Variants in TNS3 observed in about 807,000 individuals in gnomAD.
TNS3 encodes tensin-3.
TNS3 carries 45 observed loss-of-function variants against 140.9 expected under a neutral mutation model. The observed-to-expected ratio is 0.32, with a 90% confidence interval of 0.25 to 0.41. The LOEUF (loss-of-function observed/expected upper bound fraction) is 0.41. Among genes scored for constraint, TNS3 ranks in the 10% least tolerant of loss-of-function variants. The pLI is 1.00. For synonymous variants in TNS3, 815 were observed against 788.4 expected, an observed-to-expected ratio of 1.03 and a Z score of -0.56; for missense variants, 1,716 against 1,906.7, an observed-to-expected ratio of 0.90 and a Z score of 1.86.
intron 16 of TNS3, among the ~76,000 whole-genome samples, chr7:47,392,733 T>G (rs536723258): frequency 4.6e-5 from 7 of 152,158 alleles, no homozygotes; most frequent in Non-Finnish European, 1.0e-4. Context: ...CCTGGAGTAA[T>G]AGCTCACCAA....
intron 1 of TNS3, among the ~76,000 whole-genome samples, chr7:47,531,198 C>T (rs928129734): frequency 2.6e-5 from 4 of 151,906 alleles, no homozygotes; most frequent in Admixed American, 6.6e-5. Context: ...GTACACCAAA[C>T]CCCCACAACA....
intron 2 of TNS3, among the ~76,000 whole-genome samples, chr7:47,515,321 T>A (rs1028240544): frequency 6.6e-6 from 1 of 152,178 alleles, no homozygotes; most frequent in Non-Finnish European, 1.5e-5. Flanking sequence ...CTTCTCCATC[T>A]ATCATCACCA....
intron 2 of TNS3, among the ~76,000 whole-genome samples, chr7:47,527,912 A>C (rs1258903102): frequency 1.3e-5 from 2 of 152,046 alleles, no homozygotes; most frequent in Admixed American, 1.3e-4. Context: ...GTCTCCAAAA[A>C]AAAAAAAAAA....
chr7:47,389,122 A>AGCG lies in TNS3; in HGVS notation c.1024+7677_1024+7678insCGC, dbSNP rs1455206783. On this transcript the variant is annotated intron_variant, in intron 16 of 30. Coordinates refer to ENST00000311160, the MANE Select transcript of TNS3 (RefSeq NM_022748.12). Reference sequence around the variant, plus strand: ...AGGAAGCGGAAGCAGAAGAAGAAGAAGAAGAAGAAGAAGAAGAAGAAGAAG... The same window carrying AGCG: ...AGGAAGCGGAAGCAGAAGAAGAAGAAGCGGAAGAAGAAGAAGAAGAAGAAGAAG... Among the ~76,000 whole-genome samples, 20 of 8,446 alleles carry AGCG rather than the reference A, an allele frequency of 2.4e-3. 6 individuals are homozygous for AGCG. The highest frequency in any genetic ancestry group is 6.3e-3 in the Admixed American group (3 of 476). The allele number at this position is 8,446 out of a possible 152,430, so 5.5% of individuals were successfully genotyped here.
Position 47,435,404 on chromosome 7 carries a change from T to G in TNS3, c.202A>C (p.Ile68Leu). Residue 68 changes from isoleucine (I) to leucine (L), a missense_variant and splice_region_variant, in exon 8 of 31, where the codon ATC (isoleucine) becomes CTC (leucine). Coordinates refer to ENST00000311160, the MANE Select transcript of TNS3 (RefSeq NM_022748.12). ...RYDLTKLNPK[I>L]MDVGWPELHA... ...AGCTCTGGCCAGCCCACATCCATGA[T>G]CTGCAACAAGAAAGGGGAGCTTCCT... is the stretch of plus-strand genomic sequence containing the variant. The G allele has an allele frequency of 6.2e-7, 1 of 1,613,500 alleles. No individual in the cohort carries two copies. Among genetic ancestry groups the G allele is most frequent in the Non-Finnish European group, 8.5e-7 (1 of 1,179,966 alleles).
intron 27 of TNS3, among the ~76,000 whole-genome samples, chr7:47,285,000 C>T (rs894961950): frequency 6.6e-6 from 1 of 152,144 alleles, no homozygotes; most frequent in African/African-American, 2.4e-5. Context: ...TTGGCAGGTG[C>T]ACAGACAGAT....
chr7:47,574,509 G>C lies in TNS3; in HGVS notation c.-265+7542C>G, dbSNP rs1281778781. Reference sequence around the variant, plus strand: ...GCTTGTGCTCACCAAAAAAAAAATGGAAAGCAGGGACTTATACACCCATGT... The same window carrying C: ...GCTTGTGCTCACCAAAAAAAAAATGCAAAGCAGGGACTTATACACCCATGT... On this transcript the variant is annotated intron_variant, in intron 1 of 30. Coordinates refer to ENST00000311160, the MANE Select transcript of TNS3 (RefSeq NM_022748.12). Among the ~76,000 whole-genome samples the C allele has an allele frequency of 2.6e-5, 4 of 152,020 alleles. 1 individual carries two copies. The highest frequency in any genetic ancestry group is 4.8e-5 in the African/African-American group (2 of 41,372).
chr7:47,446,688 CT>C (rs144042398), intron 4 of TNS3, among the ~76,000 whole-genome samples: 107 of 96,668 alleles, frequency 1.1e-3, no homozygotes, highest in African/African-American at 2.9e-3. Flanking sequence ...TCCAGGCTGC[CT>C]TTTTTTTTTT....
At chr7:47,396,488 A>T in intron 16 of TNS3, 1 of 341,824 alleles carries the variant, frequency 2.9e-6, no homozygotes, top group Non-Finnish European at 5.4e-6. Flanking sequence ...GGGACGGAAG[A>T]AGGGGGAACG....
At chr7:47,391,592 C>T (rs190358168) in intron 16 of TNS3, among the ~76,000 whole-genome samples, 1 of 152,290 alleles carries the variant, frequency 6.6e-6, no homozygotes, top group East Asian at 1.9e-4. Context: ...CAGAGATGTC[C>T]AGCGAGGAAA....
intron 2 of TNS3, among the ~76,000 whole-genome samples, chr7:47,512,067 G>A (rs549987122): frequency 6.6e-6 from 1 of 152,232 alleles, no homozygotes; most frequent in Non-Finnish European, 1.5e-5. Flanking sequence ...GCACAGAGCG[G>A]AAGCTGCCTG....
intron 26 of TNS3, 149 bp downstream of exon 26, chr7:47,292,677 TCA>T (rs1259475889): frequency 1.7e-6 from 1 of 591,562 alleles, no homozygotes; most frequent in African/African-American, 1.9e-5. Context: ...TTGGATGAAC[TCA>T]TTGGCCTTTT....
At chr7:47,493,314 G>A (rs1310294559) in intron 3 of TNS3, among the ~76,000 whole-genome samples, 2 of 152,268 alleles carry the variant, frequency 1.3e-5, no homozygotes, top group East Asian at 1.9e-4. Flanking sequence ...CGGGGCACTC[G>A]GAGATGAGAA....
At chr7:47,369,764 A>T in intron 16 of TNS3, 143 bp from the exon 17 acceptor site, 1 of 1,008,610 alleles carries the variant, frequency 9.9e-7, no homozygotes. Flanking sequence ...AGATTCCTCT[A>T]ACATCACAAA....
rs550285417 is a variant in TNS3, at chr7:47,298,572, T to C, written c.3545-1359A>G. Among the ~76,000 whole-genome samples, 42 of 152,360 alleles carry C rather than the reference T, an allele frequency of 2.8e-4. 3 individuals are homozygous for C. The South Asian group carries it at 8.1e-3, about 29-fold the overall frequency. On this transcript the variant is annotated intron_variant, in intron 23 of 30. Transcript: ENST00000311160. Reference sequence around the variant, plus strand: ...AAACTGGGGATTTAGAGTATAAAGTTATACATAATTACAGCCATGGAAATG... The same window carrying C: ...AAACTGGGGATTTAGAGTATAAAGTCATACATAATTACAGCCATGGAAATG...
At chr7:47,381,455 G>C (rs1791754106) in intron 16 of TNS3, among the ~76,000 whole-genome samples, 1 of 152,094 alleles carries the variant, frequency 6.6e-6, no homozygotes, top group South Asian at 2.1e-4. Context: ...TCTTTGCTTT[G>C]GCTCAACATG....
chr7:47,519,765 T>G (rs1798901448), intron 2 of TNS3, among the ~76,000 whole-genome samples: 1 of 149,760 alleles, frequency 6.7e-6, no homozygotes, highest in Non-Finnish European at 1.5e-5. Context: ...GGCTGAGTCA[T>G]GCAGAGGCCA....
chr7:47,533,509 T>C (rs1218770201), intron 1 of TNS3, among the ~76,000 whole-genome samples: 1 of 151,688 alleles, frequency 6.6e-6, no homozygotes, highest in African/African-American at 2.4e-5. Flanking sequence ...GGAGTGGCTA[T>C]ATCAGACAAA....
chr7:47,311,752 G>A (rs1206127039), intron 20 of TNS3, among the ~76,000 whole-genome samples: 3 of 151,856 alleles, frequency 2.0e-5, no homozygotes, highest in Admixed American at 6.6e-5. Context: ...AGGCAATATT[G>A]GAAAATATAC....
Sources: gnomAD v4.1 joint callset for allele counts (sites outside exome capture counted in the v4.1 genomes callset) on GRCh38, gnomAD v4.1.1 for gene constraint, MANE v1.5 for transcripts, NCBI Gene and HGNC (gene_info 2026-07-23, HGNC 2026-07-21) for gene names.